Variants in ILDR2 observed in about 807,000 individuals in gnomAD.
The protein encoded by ILDR2 is immunoglobulin like domain containing receptor 2, also known as immunoglobulin-like domain-containing receptor 2.
ILDR2 carries 25 observed loss-of-function variants against 66.8 expected under a neutral mutation model. The observed-to-expected ratio is 0.37, with a 90% CI of 0.27 to 0.52. The LOEUF is 0.52. ILDR2 is among the 20% of genes least tolerant of loss of function. The probability of loss-of-function intolerance (pLI) is 0.88; values close to 1 mark genes in which losing one functional copy is unlikely to be tolerated. For missense variants in ILDR2, 827 were observed against 876.8 expected (o/e 0.94, Z 0.72); for synonymous variants, 367 against 357.2 (o/e 1.03, Z -0.31).
intron 1 of ILDR2, among the ~76,000 whole-genome samples, chr1:166,972,037 C>T (rs1054398120): frequency 1.3e-5 from 2 of 151,984 alleles, no homozygotes; most frequent in African/African-American, 4.8e-5. Context: ...CATGGTGAAA[C>T]CCCAACTCTA....
intron 8 of ILDR2, 38 bp downstream of exon 8, chr1:166,922,555 C>T (rs993155382): frequency 1.3e-6 from 2 of 1,566,046 alleles, no homozygotes; most frequent in African/African-American, 1.4e-5. Context: ...AGCTCCTGCC[C>T]CCTCACACCG....
intron 4 of ILDR2, among the ~76,000 whole-genome samples, chr1:166,937,460 C>T (rs1421081651): frequency 6.6e-6 from 1 of 152,248 alleles, no homozygotes; most frequent in Non-Finnish European, 1.5e-5. Flanking sequence ...CACACTCAAG[C>T]TGCCCATGCT....
intron 9 of ILDR2, 46 bp from the exon 10 acceptor site, chr1:166,919,436 A>T (rs770549662): frequency 6.4e-7 from 1 of 1,564,368 alleles, no homozygotes; most frequent in South Asian, 1.1e-5. Context: ...CATGCTAGTT[A>T]AAGAAAACAA....
chr1:166,935,501 G>C (rs1210750307), intron 5 of ILDR2, 24 bp from the exon 6 acceptor site: 3 of 1,537,830 alleles, frequency 2.0e-6, no homozygotes, highest in South Asian at 2.6e-5. Flanking sequence ...TCAAGAGCAA[G>C]AGAGATTACG....
At chr1:166,930,833 A>G (rs527263532) in intron 6 of ILDR2, among the ~76,000 whole-genome samples, 2 of 152,316 alleles carry the variant, frequency 1.3e-5, no homozygotes, top group South Asian at 2.1e-4. Flanking sequence ...TTTGACAGCA[A>G]ATAGCATGGT....
chr1:166,912,025 A>C lies in ILDR2; in HGVS notation c.*7330T>G, dbSNP rs1168033925. 2 of 152,184 alleles carry C rather than the reference A, an allele frequency of 1.3e-5. No individual in the cohort carries two copies. Among genetic ancestry groups the C allele is most frequent in the African/African-American group, 2.4e-5 (1 of 41,470 alleles). 9.4% of individuals were successfully genotyped at this position (152,184 alleles called of 1,614,324 possible). A position where few individuals can be genotyped will look rare whatever the true frequency, so the allele number is the denominator to read the frequency against. Reference sequence around the variant, plus strand: ...GAAATCCAATCCACGGATTTAGGAAACACCACAAATCCTAATTTGGATAAA... The same window carrying C: ...GAAATCCAATCCACGGATTTAGGAACCACCACAAATCCTAATTTGGATAAA... On this transcript the variant is annotated 3_prime_UTR_variant, in exon 10 of 10. Transcript: ENST00000271417.
rs1659757801 is a variant in ILDR2, at chr1:166,919,219, C to T, written c.*136G>A. Reference sequence around the variant, plus strand: ...CCTCCCTTAAAGGCTGCCTGCCATCCCTTGCCAAAGCAGAGATCAGCAAAT... The same window carrying T: ...CCTCCCTTAAAGGCTGCCTGCCATCTCTTGCCAAAGCAGAGATCAGCAAAT... On this transcript the variant is annotated 3_prime_UTR_variant, in exon 10 of 10. Coordinates refer to ENST00000271417, the MANE Select transcript of ILDR2 (RefSeq NM_199351.3). The T allele has an allele frequency of 1.3e-6, 1 of 795,716 alleles. No individual in the cohort carries two copies. Among genetic ancestry groups the T allele is most frequent in the Non-Finnish European group, 2.1e-6 (1 of 474,628 alleles). 49.3% of individuals were successfully genotyped at this position (795,716 alleles called of 1,614,324 possible).
intron 3 of ILDR2, chr1:166,943,969 C>A: frequency 7.0e-6 from 3 of 430,366 alleles, no homozygotes; most frequent in Non-Finnish European, 9.3e-6. Context: ...TTCCCCAAAT[C>A]TTGCAGAATC....
chr1:166,975,409 G>T lies in ILDR2; in HGVS notation c.-141C>A. 4.0e-6 allele frequency: 1 copy of T among 248,460 alleles called. No individual in the cohort carries two copies. The highest frequency in any genetic ancestry group is 1.4e-4 in the South Asian group (1 of 7,364). The allele number at this position is 248,460 out of a possible 1,614,324, so 15.4% of individuals were successfully genotyped here. On this transcript the variant is annotated 5_prime_UTR_variant, in exon 1 of 10. Transcript: ENST00000271417. ...CCCTGGGCGCAGCGCCCGCCGGGCCGGCCGCGCAGGCGGGGCCGGGGGCTG... is the reference window on the plus strand; with the variant it reads ...CCCTGGGCGCAGCGCCCGCCGGGCCTGCCGCGCAGGCGGGGCCGGGGGCTG...
intron 7 of ILDR2, among the ~76,000 whole-genome samples, chr1:166,924,359 T>G (rs79421650): frequency 8.7e-4 from 132 of 152,322 alleles, no homozygotes; most frequent in African/African-American, 3.1e-3. Flanking sequence ...AATAGCATTG[T>G]TGGCTCAGAA....
rs554865851 is a variant in ILDR2 at position 166,963,012 on chromosome 1, G to A, written c.47-4911C>T. Among the ~76,000 whole-genome samples, 149 of 152,176 alleles carry A rather than the reference G, an allele frequency of 9.8e-4. 3 individuals are homozygous for A. The highest frequency in any genetic ancestry group is 9.8e-3 in the South Asian group (47 of 4,812). On this transcript the variant is annotated intron_variant, in intron 1 of 9. Coordinates refer to ENST00000271417, the MANE Select transcript of ILDR2 (RefSeq NM_199351.3). ...TAAACATGTCTAAACCTCATTCATC[G>A]TCTCCTCTTTTCCCACCCTAGCTCT...
Position 166,921,331 on chromosome 1 carries a change from C to G in ILDR2, c.1260G>C (p.Thr420=), listed in dbSNP as rs763572476. 3 of 1,585,190 alleles carry G rather than the reference C, an allele frequency of 1.9e-6. No individual in the cohort carries two copies. The highest frequency in any genetic ancestry group is 2.6e-6 in the Non-Finnish European group (3 of 1,162,426). ...CGTCCATGGAAACGGCCGGCACCCC[C>G]GTGGCGAAGTTCTTCCGCGACAGCA... The part of the protein sequence containing the change: ...SEMLSRKNFA[T]GVPAVSMDEL... Residue 420 remains threonine, a synonymous_variant, in exon 9 of 10, where the codon ACG becomes ACC. Transcript: ENST00000271417. The surrounding 1 kb of genome is among the most constrained non-coding windows in gnomAD (Gnocchi z 5.3).
chr1:166,930,498 C>T, intron 6 of ILDR2, among the ~76,000 whole-genome samples: 1 of 152,122 alleles, frequency 6.6e-6, no homozygotes, highest in East Asian at 1.9e-4. Context: ...AAAACCTGGG[C>T]AATTCTCCTT....
At chr1:166,938,934 C>T (rs72707830) in intron 4 of ILDR2, among the ~76,000 whole-genome samples, 2,222 of 152,262 alleles carry the variant, frequency 0.015, 21 homozygotes, top group African/African-American at 0.025. Context: ...GATGTATGTT[C>T]GTCCCAGATG....
intron 6 of ILDR2, among the ~76,000 whole-genome samples, chr1:166,930,881 A>G (rs1443826469): frequency 6.6e-6 from 1 of 152,232 alleles, no homozygotes; most frequent in African/African-American, 2.4e-5. Flanking sequence ...TCTGAAGATC[A>G]CAGAACTCTC....
rs1048654280 is a variant in ILDR2 at position 166,913,171 on chromosome 1, T to C, written c.*6184A>G. On this transcript the variant is annotated 3_prime_UTR_variant, in exon 10 of 10. Transcript: ENST00000271417. ...TTTAATGTCAGATCATGATTAACCA[T>C]AGTTGTGTTAATTATGAGTTCTTGG... The C allele has an allele frequency of 9.9e-5, 15 of 152,232 alleles. No homozygotes were observed. Among genetic ancestry groups the C allele is most frequent in the Non-Finnish European group, 2.1e-4 (14 of 68,040 alleles). 9.4% of individuals were successfully genotyped at this position (152,232 alleles called of 1,614,324 possible). A position where few individuals can be genotyped will look rare whatever the true frequency, so the allele number is the denominator to read the frequency against.
intron 3 of ILDR2, among the ~76,000 whole-genome samples, chr1:166,940,632 T>C (rs962695586): frequency 1.3e-5 from 2 of 152,162 alleles, no homozygotes; most frequent in Non-Finnish European, 2.9e-5. Context: ...TTTTAGCTTT[T>C]CCAGGAAGTA....
chr1:166,926,998 C>T (rs1368614770), intron 7 of ILDR2, 69 bp downstream of exon 7: 2 of 1,113,902 alleles, frequency 1.8e-6, no homozygotes, highest in East Asian at 2.5e-5. Context: ...AGTTTGGTGA[C>T]CCCCAAATCC....
At chr1:166,905,432 A>G (rs1659329531), downstream of ILDR2, among the ~76,000 whole-genome samples, 1 of 152,246 alleles carries the variant, frequency 6.6e-6, no homozygotes, top group Non-Finnish European at 1.5e-5. Flanking sequence ...TTTTCTGCCT[A>G]TCACACTGAT....
Sources: allele counts gnomAD v4.1 joint callset (sites outside exome capture counted in the v4.1 genomes callset), GRCh38; gene constraint gnomAD v4.1.1; non-coding constraint Gnocchi (gnomAD v3.1); transcripts MANE v1.5; gene names NCBI Gene and HGNC (gene_info 2026-07-23, HGNC 2026-07-21).